LYZL1: variants seen among roughly 807,000 people sequenced by gnomAD.
The protein encoded by LYZL1 is lysozyme-like protein 1.
In LYZL1, 16 loss-of-function variants were observed where a neutral mutation model predicts 17.9. The observed-to-expected ratio is 0.90, with a 90% CI of 0.61 to 1.36. The LOEUF is 1.36. Ranked by LOEUF, LYZL1 falls within the 40% of genes most tolerant of loss-of-function variation. The probability of loss-of-function intolerance (pLI) is 0.00; values close to 1 mark genes in which losing one functional copy is unlikely to be tolerated. For missense variants in LYZL1, 149 were observed against 188.4 expected (o/e 0.79, Z 1.22); for synonymous variants, 58 against 71.8 (o/e 0.81, Z 0.97).
chr10:29,314,456 G>C (rs940399794), downstream of LYZL1, among the ~76,000 whole-genome samples: 5 of 152,106 alleles, frequency 3.3e-5, no homozygotes, highest in African/African-American at 7.2e-5. Flanking sequence ...TCTACAAAAA[G>C]TACAAAGATT....
At chr10:29,308,098 C>T (rs969920921) in intron 3 of LYZL1, among the ~76,000 whole-genome samples, 3 of 152,148 alleles carry the variant, frequency 2.0e-5, no homozygotes, top group Admixed American at 2.0e-4. Flanking sequence ...GTATTTTTGT[C>T]CTTGATTGGT....
intron 3 of LYZL1, among the ~76,000 whole-genome samples, chr10:29,300,279 G>T (rs1835499725): frequency 1.3e-5 from 2 of 151,696 alleles, no homozygotes; most frequent in African/African-American, 2.4e-5. Context: ...TTCCTCCATT[G>T]GTTTGTTAGC....
intron 1 of LYZL1, 113 bp downstream of exon 1, chr10:29,289,343 C>A (rs568518632): frequency 5.1e-6 from 4 of 791,774 alleles, no homozygotes; most frequent in South Asian, 7.5e-5. Flanking sequence ...TGTTTGAGAT[C>A]AGTAAAATTC....
intron 3 of LYZL1, among the ~76,000 whole-genome samples, chr10:29,296,345 CCAA>C (rs373599699): frequency 2.6e-5 from 4 of 151,916 alleles, no homozygotes; most frequent in Non-Finnish European, 2.9e-5. Flanking sequence ...AAACACAGAA[CCAA>C]CAACAACAAC....
intron 3 of LYZL1, among the ~76,000 whole-genome samples, chr10:29,308,769 G>T (rs1308580546): frequency 6.6e-6 from 1 of 152,148 alleles, no homozygotes; most frequent in Non-Finnish European, 1.5e-5. Context: ...GACCAGCCTG[G>T]CCAACATGGT....
At chr10:29,307,002 A>G (rs1215359902) in intron 3 of LYZL1, among the ~76,000 whole-genome samples, 1 of 152,082 alleles carries the variant, frequency 6.6e-6, no homozygotes, top group Non-Finnish European at 1.5e-5. Context: ...CTACAGGTGC[A>G]TGCCACCACG....
In LYZL1 at chr10:29,311,043, G is replaced by T. The variant is rs41289053; in HGVS notation, c.431G>T (p.Gly144Val). ...EGRDLSEWKK[G>V]CEVS Reference sequence around the variant, plus strand: ...AGAGACCTGTCCGAGTGGAAAAAAGGCTGTGAGGTTTCCTAAACTGGAACT... The same window carrying T: ...AGAGACCTGTCCGAGTGGAAAAAAGTCTGTGAGGTTTCCTAAACTGGAACT... Residue 144 changes from glycine to valine, a missense_variant, in exon 5 of 5, where the codon GGC becomes GTC. Transcript: ENST00000649382. The T allele has an allele frequency of 5.6e-5, 91 of 1,614,004 alleles. No individual in the cohort carries two copies. The African/African-American group carries it at 1.1e-3, about 20-fold the overall frequency.
intron 3 of LYZL1, among the ~76,000 whole-genome samples, chr10:29,298,290 C>A (rs1469245546): frequency 6.6e-6 from 1 of 152,130 alleles, no homozygotes; most frequent in Non-Finnish European, 1.5e-5. Context: ...GAGAGGACAA[C>A]CTTCTAGGAT....
intron 3 of LYZL1, among the ~76,000 whole-genome samples, chr10:29,297,885 A>T (rs192510985): frequency 6.6e-6 from 1 of 152,346 alleles, no homozygotes; most frequent in East Asian, 1.9e-4. Flanking sequence ...TCAGAGTGAC[A>T]TCAGACTTCT....
chr10:29,308,029 A>G (rs547770677), intron 3 of LYZL1, among the ~76,000 whole-genome samples: 2 of 152,270 alleles, frequency 1.3e-5, no homozygotes, highest in East Asian at 3.9e-4. Context: ...CAAAAACAAA[A>G]CAAAACAAAA....
At chr10:29,302,413 C>T (rs996487564) in intron 3 of LYZL1, among the ~76,000 whole-genome samples, 9 of 143,766 alleles carry the variant, frequency 6.3e-5, no homozygotes, top group Admixed American at 2.2e-4. Flanking sequence ...CATCAAAGGC[C>T]GGCACGAGGG....
At chr10:29,307,816 T>A (rs1026527745) in intron 3 of LYZL1, among the ~76,000 whole-genome samples, 1 of 152,216 alleles carries the variant, frequency 6.6e-6, no homozygotes, top group African/African-American at 2.4e-5. Flanking sequence ...TCTAGCATCA[T>A]GACTGTTTCC....
intron 3 of LYZL1, among the ~76,000 whole-genome samples, chr10:29,316,904 T>C (rs1270014938): frequency 6.6e-6 from 1 of 151,956 alleles, no homozygotes; most frequent in Non-Finnish European, 1.5e-5. Context: ...TTTTTGTAAA[T>C]ACAAGGTCTT....
At chr10:29,309,602 T>G (rs1835643299) in intron 3 of LYZL1, among the ~76,000 whole-genome samples, 1 of 152,090 alleles carries the variant, frequency 6.6e-6, no homozygotes, top group Non-Finnish European at 1.5e-5. Context: ...GCTCAAGTGA[T>G]CCTCGCACTT....
rs753028455 is a variant in LYZL1, at chr10:29,292,690, C to T, written c.298+13C>T. 6.2e-7 allele frequency: 1 copy of T among 1,608,012 alleles called. No individual in the cohort carries two copies. Among genetic ancestry groups the T allele is most frequent in the South Asian group, 1.1e-5 (1 of 90,120 alleles). ...GTCGCCTGCTCAGGTGAGGCTCTGA[C>T]TTTCCAGTGATGCCATCCTCAGGAC... is the stretch of plus-strand genomic sequence containing the variant. On this transcript the variant is annotated intron_variant, in intron 3 of 4. Coordinates refer to ENST00000649382, the MANE Select transcript of LYZL1 (RefSeq NM_032517.6).
At chr10:29,315,550 A>T (rs1432730534), downstream of LYZL1, among the ~76,000 whole-genome samples, 1 of 151,712 alleles carries the variant, frequency 6.6e-6, no homozygotes, top group Non-Finnish European at 1.5e-5. Context: ...AATAAATACC[A>T]TAAAAATAAA....
chr10:29,313,135 T>C (rs892678318), downstream of LYZL1, among the ~76,000 whole-genome samples: 1 of 152,320 alleles, frequency 6.6e-6, no homozygotes, highest in East Asian at 1.9e-4. Context: ...ACATGTTATA[T>C]ATTTCTAAAC....
intron 3 of LYZL1, among the ~76,000 whole-genome samples, chr10:29,306,570 A>G (rs1208059105): frequency 1.5e-5 from 2 of 135,704 alleles, no homozygotes; most frequent in South Asian, 4.7e-4. Context: ...AAAAAAAAAA[A>G]AAAAAGAAAA....
rs1409918477 is a variant in LYZL1 at position 29,307,207 on chromosome 10, A to G, written c.299-2903A>G. ...CAGTATAATTAACTATGGTCACCAT[A>G]TTGTACATTAGATCCCCAGTCCTTC... On this transcript the variant is annotated intron_variant, in intron 3 of 4. Transcript: ENST00000649382. Among the ~76,000 whole-genome samples the G allele has an allele frequency of 2.6e-5, 4 of 152,166 alleles. No individual in the cohort carries two copies. In the East Asian group the frequency reaches 7.7e-4, roughly 29 times the overall value.
Sources: gnomAD v4.1 joint callset for allele counts (sites outside exome capture counted in the v4.1 genomes callset) on GRCh38, gnomAD v4.1.1 for gene constraint, MANE v1.5 for transcripts, NCBI Gene and HGNC (gene_info 2026-07-23, HGNC 2026-07-21) for gene names.